The following ALPK3 variants were observed in gnomAD, a reference collection of about 807,000 sequenced individuals.
ALPK3 encodes the protein alpha kinase 3.
In ALPK3, 102 loss-of-function variants were observed where a neutral mutation model predicts 140.0. The ratio of observed to expected loss-of-function variants is 0.73; its 90% CI spans 0.62 to 0.86. The LOEUF is 0.86. ALPK3 is among the 40% of genes least tolerant of loss of function. ALPK3 has a pLI of 0.00. For missense variants in ALPK3, 2,254 were observed against 2,208.2 expected, an observed-to-expected ratio of 1.02 and a Z score of -0.42; for synonymous variants, 938 against 898.5, an observed-to-expected ratio of 1.04 and a Z score of -0.79.
chr15:84,863,735 C>T (rs1963974402), intron 11 of ALPK3, 95 bp downstream of exon 11: 6 of 1,229,470 alleles, frequency 4.9e-6, no homozygotes, highest in East Asian at 5.2e-5. Flanking sequence ...GGGCATCCTG[C>T]GTTATGCCCA....
rs769747459 is a variant in ALPK3, at chr15:84,858,105, G to A, written c.3367G>A (p.Ala1123Thr). 10 of 1,572,220 alleles carry A rather than the reference G, an allele frequency of 6.4e-6. No homozygotes were observed. The highest frequency in any genetic ancestry group is 1.2e-5 in the South Asian group (1 of 83,890). ...GRLGEAGGQAAPGQGPSAESI... is the reference protein window; with the variant it reads ...GRLGEAGGQATPGQGPSAESI... Reference sequence around the variant, plus strand: ...ACTGGGGGAGGCGGGTGGGCAGGCAGCCCCTGGACAGGGGCCCTCAGCAGA... The same window carrying A: ...ACTGGGGGAGGCGGGTGGGCAGGCAACCCCTGGACAGGGGCCCTCAGCAGA... Residue 1123 changes from alanine (A) to threonine (T), a missense_variant, in exon 6 of 14, where the codon GCC becomes ACC. Physicochemically the swap from Ala to Thr is moderately conservative, Grantham distance 58 (BLOSUM62 0). This residue lies in a region of ALPK3 where 2,088 missense variants were observed against 2,022.9 expected (regional missense o/e 1.03). Transcript: ENST00000258888.
chr15:84,836,338 AGGATCACTC>A (rs1963597443), intron 3 of ALPK3, among the ~76,000 whole-genome samples: 1 of 152,240 alleles, frequency 6.6e-6, no homozygotes, highest in South Asian at 2.1e-4. Context: ...TTATTTTAAA[AGGATCACTC>A]TGTCTTTTCT....
intron 5 of ALPK3, among the ~76,000 whole-genome samples, chr15:84,842,465 G>A (rs914458800): frequency 7.9e-5 from 12 of 152,054 alleles, no homozygotes; most frequent in Non-Finnish European, 1.3e-4. Flanking sequence ...TGGGGGAACA[G>A]GAGGAAAGCA....
At position 84,851,154 on chromosome 15, in the gene ALPK3, G is replaced by A. The variant is rs549563160; in HGVS notation, c.1654-5238G>A. On this transcript the variant is annotated intron_variant, in intron 5 of 13. Coordinates refer to ENST00000258888, the MANE Select transcript of ALPK3 (RefSeq NM_020778.5). ...GGGGGCCACTAACTTTTTTGGGGTA[G>A]AGGAGGGAACTCAGGAAGTCTTTAA... Among the ~76,000 whole-genome samples the A allele has an allele frequency of 4.6e-5, 7 of 152,322 alleles. No individual in the cohort carries two copies. In the South Asian group the frequency reaches 1.2e-3, roughly 27 times the overall value.
chr15:84,847,208 GGA>G (rs55944419), intron 5 of ALPK3, among the ~76,000 whole-genome samples: 5,858 of 116,466 alleles, frequency 0.05, 254 homozygotes, highest in East Asian at 0.077. Context: ...GGAGAAACGG[GGA>G]GAGAGAGAGA....
chr15:84,852,932 G>A (rs998377980), intron 5 of ALPK3, among the ~76,000 whole-genome samples: 1 of 152,222 alleles, frequency 6.6e-6, no homozygotes. Context: ...AGGCTTTACA[G>A]TAGTCCAGGC....
chr15:84,856,358 A>G (rs754293804), intron 5 of ALPK3, 34 bp from the exon 6 acceptor site: 32 of 1,558,200 alleles, frequency 2.1e-5, no homozygotes, highest in Non-Finnish European at 2.5e-5. Flanking sequence ...ATGTCCATGT[A>G]GTTAAATCCT....
In ALPK3 at chr15:84,817,509, G is replaced by C. The variant is rs1442468292; in HGVS notation, c.57G>C (p.Ala19=). The change falls in exon 1 of 14, where the codon GCG becomes GCC. Residue 19 remains alanine, a synonymous_variant. Coordinates refer to ENST00000258888, the MANE Select transcript of ALPK3 (RefSeq NM_020778.5). ...GGGGCGCGGGTGGGCGGTCGGGGGC[G>C]GGGGGCGACGGTGAGGACGACGGCC... The part of the protein sequence containing the change: ...RGWGAGGRSG[A]GGDGEDDGPV... The C allele has an allele frequency of 4.8e-6, 7 of 1,470,202 alleles. No homozygotes were observed. Among genetic ancestry groups the C allele is most frequent in the Non-Finnish European group, 6.3e-6 (7 of 1,117,522 alleles). 91.1% of individuals were successfully genotyped at this position (1,470,202 alleles called of 1,614,324 possible).
intron 3 of ALPK3, among the ~76,000 whole-genome samples, chr15:84,834,900 G>A (rs1402554601): frequency 6.6e-6 from 1 of 152,254 alleles, no homozygotes. Flanking sequence ...ATTATTCAGG[G>A]CTCAAGGCAA....
intron 10 of ALPK3, 140 bp from the exon 11 acceptor site, chr15:84,863,412 G>A: frequency 3.0e-6 from 2 of 668,586 alleles, no homozygotes; most frequent in Admixed American, 3.0e-5. Context: ...GGAGCAGGGA[G>A]GAGTAAGCCC....
Position 84,858,555 on chromosome 15 carries a change from G to A in ALPK3, c.3817G>A (p.Ala1273Thr), listed in dbSNP as rs755325451. Residue 1273 changes from alanine (A) to threonine (T), a missense_variant and splice_region_variant, in exon 6 of 14, where the codon GCC (alanine) becomes ACC (threonine). Transcript: ENST00000258888. ...KPRKAKDLLK[A>T]PQVIRKIRVE... ...CAGGAAAGCCAAAGACCTGCTGAAA[G>A]GTGAGCAGTGGGGAGGGAGAGGGAT... 5 of 1,577,446 alleles carry A rather than the reference G, an allele frequency of 3.2e-6. No homozygotes were observed. The highest frequency in any genetic ancestry group is 1.8e-5 in the Admixed American group (1 of 56,526).
chr15:84,845,494 A>T (rs1963719688), intron 5 of ALPK3, among the ~76,000 whole-genome samples: 1 of 152,066 alleles, frequency 6.6e-6, no homozygotes, highest in East Asian at 1.9e-4. Flanking sequence ...AGACTGAAAA[A>T]GGGGGCCCTA....
chr15:84,851,320 AG>A (rs1963800718), intron 5 of ALPK3, among the ~76,000 whole-genome samples: 1 of 152,188 alleles, frequency 6.6e-6, no homozygotes, highest in Non-Finnish European at 1.5e-5. Context: ...CAGTTAAGTT[AG>A]TGTTGGGCGG....
intron 3 of ALPK3, among the ~76,000 whole-genome samples, chr15:84,828,053 T>C (rs964806276): frequency 6.6e-5 from 10 of 152,216 alleles, no homozygotes; most frequent in Non-Finnish European, 1.2e-4. Context: ...CTGCCTGGCT[T>C]GGAGTCCTGG....
rs1310265989 is a variant in ALPK3 at position 84,857,550 on chromosome 15, C to A, written c.2812C>A (p.Gln938Lys). 1.3e-6 allele frequency: 2 copies of A among 1,584,172 alleles called. No homozygotes were observed. The highest frequency in any genetic ancestry group is 1.2e-5 in the South Asian group (1 of 85,632). The change falls in exon 6 of 14, where the codon CAG becomes AAG. Residue 938 changes from glutamine to lysine, a missense_variant. By Grantham distance (53) the Gln-to-Lys change is moderately conservative (BLOSUM62 1). Transcript: ENST00000258888. Reference sequence around the variant, plus strand: ...CACCAGCAGTGAGGGGGCCTGCGCCCAGGTACCAGATGTGGAGGGGCGGAC... The same window carrying A: ...CACCAGCAGTGAGGGGGCCTGCGCCAAGGTACCAGATGTGGAGGGGCGGAC... ...MATSSEGACAQVPDVEGRTPG... is the reference protein window; with the variant it reads ...MATSSEGACAKVPDVEGRTPG...
intron 1 of ALPK3, among the ~76,000 whole-genome samples, chr15:84,821,075 C>T (rs549138618): frequency 2.6e-5 from 4 of 152,244 alleles, no homozygotes; most frequent in African/African-American, 7.2e-5. Context: ...AGCTTTTCTG[C>T]CCCAATGTTT....
chr15:84,821,040 G>T (rs1963416518), intron 1 of ALPK3, among the ~76,000 whole-genome samples: 1 of 151,692 alleles, frequency 6.6e-6, no homozygotes, highest in East Asian at 1.9e-4. Context: ...TTTGTGAGAT[G>T]AAGGTGGCAC....
At chr15:84,840,991 C>T in intron 5 of ALPK3, 59 bp downstream of exon 5, 1 of 1,491,134 alleles carries the variant, frequency 6.7e-7, no homozygotes, top group South Asian at 1.4e-5. Flanking sequence ...CATGGAAACT[C>T]TTGCTGCAAC....
Position 84,834,546 on chromosome 15 carries a change from G to A in ALPK3, c.305-4434G>A, listed in dbSNP as rs189712089. 2.6e-5 allele frequency among the ~76,000 whole-genome samples: 4 copies of A among 152,380 alleles called. No individual in the cohort carries two copies. In the East Asian group the frequency reaches 7.7e-4, roughly 29 times the overall value. Reference sequence around the variant, plus strand: ...AATGTTGGCAATCATTTGCACAGGAGTGTTCTGAGGGTCAAATGAAATTCT... The same window carrying A: ...AATGTTGGCAATCATTTGCACAGGAATGTTCTGAGGGTCAAATGAAATTCT... On this transcript the variant is annotated intron_variant, in intron 3 of 13. Coordinates refer to ENST00000258888, the MANE Select transcript of ALPK3 (RefSeq NM_020778.5).
Sources: allele counts gnomAD v4.1 joint callset (sites outside exome capture counted in the v4.1 genomes callset), GRCh38; gene constraint gnomAD v4.1.1; regional missense constraint gnomAD v4.1.1; transcripts MANE v1.5; gene names NCBI Gene and HGNC (gene_info 2026-07-23, HGNC 2026-07-21).